SDK1: variants seen among roughly 807,000 people sequenced by gnomAD.
The protein encoded by SDK1 is protein sidekick-1.
A neutral mutation model predicts 245.5 loss-of-function variants in SDK1; 157 were observed. The observed-to-expected ratio is 0.64, with a 90% CI of 0.56 to 0.73. The LOEUF (loss-of-function observed/expected upper bound fraction) is 0.73. SDK1 is among the 30% of genes least tolerant of loss of function. The pLI, the probability that SDK1 is intolerant of heterozygous loss-of-function variation, is 0.00. For missense variants in SDK1, 3,583 were observed against 3,002.3 expected, an observed-to-expected ratio of 1.19 and a Z score of -4.52; for synonymous variants, 1,647 against 1,278.5, an observed-to-expected ratio of 1.29 and a Z score of -6.15.
chr7:4,174,012 GA>G (rs1239199220), intron 32 of SDK1, among the ~76,000 whole-genome samples: 2 of 152,350 alleles, frequency 1.3e-5, no homozygotes, highest in Admixed American at 1.3e-4. Context: ...ACATGCACAT[GA>G]AAACTGGGAT....
chr7:4,115,257 C>A (rs1783626889), intron 25 of SDK1, among the ~76,000 whole-genome samples: 1 of 152,208 alleles, frequency 6.6e-6, no homozygotes. Context: ...GGATGAGAGT[C>A]ACAGCTTGTG....
chr7:3,361,373 A>T (rs1052561855), intron 1 of SDK1, among the ~76,000 whole-genome samples: 5 of 152,184 alleles, frequency 3.3e-5, no homozygotes, highest in Admixed American at 2.0e-4. Flanking sequence ...TTGTTCTTCT[A>T]TTCCACTTTC....
chr7:3,905,834 G>C (rs947802220), intron 5 of SDK1, among the ~76,000 whole-genome samples: 1 of 152,006 alleles, frequency 6.6e-6, no homozygotes, highest in Non-Finnish European at 1.5e-5. Flanking sequence ...ATGTTGCCCA[G>C]GCTGGTCTTG....
At chr7:3,971,100 A>AC (rs1298527040) in intron 11 of SDK1, among the ~76,000 whole-genome samples, 2 of 152,214 alleles carry the variant, frequency 1.3e-5, no homozygotes, top group African/African-American at 2.4e-5. Context: ...CTCAAAAAGT[A>AC]CCATGCAGAC....
intron 4 of SDK1, among the ~76,000 whole-genome samples, chr7:3,741,493 A>T (rs1422258307): frequency 2.0e-5 from 3 of 152,238 alleles, no homozygotes; most frequent in Non-Finnish European, 2.9e-5. Flanking sequence ...ATTGATTTTT[A>T]AAACTGTTGT....
chr7:3,452,539 C>T (rs1246046877), intron 1 of SDK1, among the ~76,000 whole-genome samples: 1 of 152,140 alleles, frequency 6.6e-6, no homozygotes, highest in Non-Finnish European at 1.5e-5. Context: ...AAAACCTTTA[C>T]TAATAAAATG....
chr7:3,914,404 TATAG>T (rs1203081560), intron 5 of SDK1, among the ~76,000 whole-genome samples: 1 of 152,166 alleles, frequency 6.6e-6, no homozygotes, highest in Non-Finnish European at 1.5e-5. Context: ...CATGTGCACA[TATAG>T]AGAGAAACTG....
chr7:3,574,737 A>T (rs917122481), intron 1 of SDK1, among the ~76,000 whole-genome samples: 1 of 152,068 alleles, frequency 6.6e-6, no homozygotes, highest in Non-Finnish European at 1.5e-5. Context: ...TAGAAGGAAA[A>T]CATTTCATTT....
chr7:4,167,402 GA>G (rs1434242004), intron 32 of SDK1, among the ~76,000 whole-genome samples: 4 of 143,102 alleles, frequency 2.8e-5, no homozygotes, highest in Admixed American at 1.3e-4. Flanking sequence ...ACTCCGTCTT[GA>G]AAAAAACAAA....
intron 1 of SDK1, among the ~76,000 whole-genome samples, chr7:3,505,231 C>T (rs540386905): frequency 6.6e-6 from 1 of 152,034 alleles, no homozygotes; most frequent in African/African-American, 2.4e-5. Flanking sequence ...CTAGGGTTTA[C>T]AATACACATC....
rs968524105 is a variant in SDK1, at chr7:4,268,541, A to G, written c.*3157A>G. On this transcript the variant is annotated 3_prime_UTR_variant, in exon 45 of 45. Coordinates refer to ENST00000404826, the MANE Select transcript of SDK1 (RefSeq NM_152744.4). ...ATGGCCACACACGGAACGCGCCTCCACAGCCCCGGGAGGTGGCTCACTCTG... is the reference window on the plus strand; with the variant it reads ...ATGGCCACACACGGAACGCGCCTCCGCAGCCCCGGGAGGTGGCTCACTCTG... 44 of 1,270,584 alleles carry G rather than the reference A, an allele frequency of 3.5e-5. No individual in the cohort carries two copies. In the African/African-American group the frequency reaches 6.0e-4, roughly 17 times the overall value. 78.7% of individuals were successfully genotyped at this position (1,270,584 alleles called of 1,614,324 possible).
chr7:3,382,536 C>G (rs954663871), intron 1 of SDK1, among the ~76,000 whole-genome samples: 7 of 152,114 alleles, frequency 4.6e-5, no homozygotes, highest in Non-Finnish European at 1.0e-4. Context: ...TTACTTGGTG[C>G]CAGGCATTGC....
At chr7:3,376,318 A>G (rs1315954582) in intron 1 of SDK1, among the ~76,000 whole-genome samples, 1 of 152,200 alleles carries the variant, frequency 6.6e-6, no homozygotes, top group East Asian at 1.9e-4. Context: ...CTAACTATGA[A>G]TATGCAATCC....
In SDK1 at chr7:3,791,631, G is replaced by A. The variant is rs76205259; in HGVS notation, c.714-29819G>A. On this transcript the variant is annotated intron_variant, in intron 4 of 44. Coordinates refer to ENST00000404826, the MANE Select transcript of SDK1 (RefSeq NM_152744.4). ...ACTTGCTCCCTTGGGTGGGGAGGAC[G>A]ATTGGAGAAGGATGAGTGGGCTCAC... Among the ~76,000 whole-genome samples, 733 of 152,288 alleles carry A rather than the reference G, an allele frequency of 4.8e-3. 6 individuals carry two copies. Among genetic ancestry groups the A allele is most frequent in the African/African-American group, 0.017 (691 of 41,570 alleles).
chr7:3,846,616 T>G (rs1407437325), intron 5 of SDK1, among the ~76,000 whole-genome samples: 2 of 152,200 alleles, frequency 1.3e-5, no homozygotes, highest in Non-Finnish European at 2.9e-5. Flanking sequence ...TCATTCTTAT[T>G]TACCTCCCTC....
chr7:3,606,345 G>A (rs1406994530), intron 1 of SDK1, among the ~76,000 whole-genome samples: 1 of 152,194 alleles, frequency 6.6e-6, no homozygotes, highest in East Asian at 1.9e-4. Flanking sequence ...GGCCTCCTGA[G>A]TGGTCTCCCG....
chr7:4,267,813 G>A lies in SDK1; in HGVS notation c.*2429G>A. On this transcript the variant is annotated 3_prime_UTR_variant, in exon 45 of 45. Coordinates refer to ENST00000404826, the MANE Select transcript of SDK1 (RefSeq NM_152744.4). ...GATCTGTACGGAGCGGCCTGTCCGAGGCTACGCCGGCCTCCTGGCTGCTGC... is the reference window on the plus strand; with the variant it reads ...GATCTGTACGGAGCGGCCTGTCCGAAGCTACGCCGGCCTCCTGGCTGCTGC... The A allele has an allele frequency of 2.0e-6, 2 of 985,602 alleles. No individual in the cohort carries two copies. Among genetic ancestry groups the A allele is most frequent in the South Asian group, 9.4e-5 (2 of 21,296 alleles). 61.1% of individuals were successfully genotyped at this position (985,602 alleles called of 1,614,324 possible).
At chr7:3,857,821 A>C (rs775755610) in intron 5 of SDK1, among the ~76,000 whole-genome samples, 16 of 152,248 alleles carry the variant, frequency 1.1e-4, no homozygotes, top group Non-Finnish European at 2.2e-4. Context: ...GAGAAATTTA[A>C]TAGAAATACA....
intron 1 of SDK1, among the ~76,000 whole-genome samples, chr7:3,362,651 A>G (rs2128561056): frequency 6.6e-6 from 1 of 152,294 alleles, no homozygotes; most frequent in Non-Finnish European, 1.5e-5. Flanking sequence ...ATTTGCATTT[A>G]CTTTGTAAGC....
Sources: allele counts gnomAD v4.1 joint callset (sites outside exome capture counted in the v4.1 genomes callset), GRCh38; gene constraint gnomAD v4.1.1; transcripts MANE v1.5; gene names NCBI Gene and HGNC (gene_info 2026-07-23, HGNC 2026-07-21).